Variants in GNG12 observed in about 807,000 individuals in gnomAD.
The protein encoded by GNG12 is G protein subunit gamma 12.
For synonymous variants in GNG12, 28 were observed against 29.7 expected (o/e 0.94, Z 0.19); for missense variants, 69 against 83.8 (o/e 0.82, Z 0.69).
chr1:67,769,151 C>T (rs1359986424), intron 2 of GNG12, among the ~76,000 whole-genome samples: 1 of 152,140 alleles, frequency 6.6e-6, no homozygotes, highest in African/African-American at 2.4e-5. Flanking sequence ...GCCACTGCAC[C>T]CAGAGAGACT....
chr1:67,826,259 A>G (rs1265678792), intron 1 of GNG12, among the ~76,000 whole-genome samples: 1 of 152,162 alleles, frequency 6.6e-6, no homozygotes, highest in Non-Finnish European at 1.5e-5. Context: ...TTCCATGTAC[A>G]CCTAGACTTT....
rs182878751 is a variant in GNG12, at chr1:67,726,150, C to G, written c.-26-18438G>C. Among the ~76,000 whole-genome samples, 253 of 152,292 alleles carry G rather than the reference C, an allele frequency of 1.7e-3. 3 individuals carry two copies. The highest frequency in any genetic ancestry group is 5.9e-3 in the African/African-American group (246 of 41,552). On this transcript the variant is annotated intron_variant, in intron 2 of 3. Coordinates refer to ENST00000370982, the MANE Select transcript of GNG12 (RefSeq NM_018841.6). ...CAGACCTATTTGAAATATTCTGCTT[C>G]TTTTGGTATATCAGTAACTGACCAG...
In GNG12 at chr1:67,726,032, G is replaced by A. The variant is rs117377574; in HGVS notation, c.-26-18320C>T. ...CTCAAATTTAAGAATATCACAAAAT[G>A]AGAGCATGAAGTGGAATGGAGTAGG... On this transcript the variant is annotated intron_variant, in intron 2 of 3. Transcript: ENST00000370982. 3.2e-3 allele frequency among the ~76,000 whole-genome samples: 485 copies of A among 152,300 alleles called. 8 individuals carry two copies. The East Asian group carries it at 0.047, about 15-fold the overall frequency.
At chr1:67,765,162 A>C (rs1646628281) in intron 2 of GNG12, among the ~76,000 whole-genome samples, 1 of 152,192 alleles carries the variant, frequency 6.6e-6, no homozygotes, top group Non-Finnish European at 1.5e-5. Context: ...AATAATCTAT[A>C]AAATGTATGC....
intron 2 of GNG12, among the ~76,000 whole-genome samples, chr1:67,712,064 A>T (rs759587622): frequency 1.3e-5 from 2 of 152,240 alleles, no homozygotes; most frequent in Non-Finnish European, 2.9e-5. Context: ...TCCGACTTGC[A>T]GCTGCTCTGC....
intron 1 of GNG12, chr1:67,832,167 T>C (rs1454848913): frequency 3.3e-5 from 5 of 152,224 alleles, no homozygotes. Flanking sequence ...GCTAATCATG[T>C]GAAGTTTGTC....
Position 67,704,121 on chromosome 1 carries a change from G to C in GNG12, c.*1330C>G, listed in dbSNP as rs1646230860. 1 of 152,246 alleles carries C rather than the reference G, an allele frequency of 6.6e-6. No individual in the cohort carries two copies. Among genetic ancestry groups the C allele is most frequent in the South Asian group, 2.1e-4 (1 of 4,830 alleles). The allele number at this position is 152,246 out of a possible 1,614,324, so 9.4% of individuals were successfully genotyped here. On this transcript the variant is annotated 3_prime_UTR_variant, in exon 4 of 4. Transcript: ENST00000370982. ...ACCCCCATACCTGGAAATTCCAAGA[G>C]TGTGAGGGCTATATTTGGGCCCAGA...
intron 1 of GNG12, among the ~76,000 whole-genome samples, chr1:67,778,953 A>G (rs1245640700): frequency 6.6e-6 from 1 of 152,230 alleles, no homozygotes; most frequent in African/African-American, 2.4e-5. Context: ...TCCGAGCACA[A>G]AAACCACAGC....
chr1:67,713,262 A>G (rs937267958), intron 2 of GNG12, among the ~76,000 whole-genome samples: 1 of 152,244 alleles, frequency 6.6e-6, no homozygotes, highest in Non-Finnish European at 1.5e-5. Context: ...TGCCAGTCGG[A>G]TAACACTCTG....
intron 2 of GNG12, among the ~76,000 whole-genome samples, chr1:67,734,532 G>A (rs976469202): frequency 1.3e-5 from 2 of 152,188 alleles, no homozygotes; most frequent in Non-Finnish European, 2.9e-5. Flanking sequence ...AGCACAGGAA[G>A]CTAAATAACT....
intron 2 of GNG12, among the ~76,000 whole-genome samples, chr1:67,723,927 T>C (rs1322391343): frequency 6.6e-6 from 1 of 152,146 alleles, no homozygotes; most frequent in Non-Finnish European, 1.5e-5. Flanking sequence ...CACAGATGAC[T>C]GGGAGTTACT....
intron 2 of GNG12, among the ~76,000 whole-genome samples, chr1:67,736,959 G>A (rs113872947): frequency 5.3e-5 from 8 of 152,194 alleles, no homozygotes; most frequent in Non-Finnish European, 1.0e-4. Flanking sequence ...TGTAAACTGA[G>A]GGTTGGAGGA....
At chr1:67,718,922 T>C (rs554482695) in intron 2 of GNG12, among the ~76,000 whole-genome samples, 1 of 152,316 alleles carries the variant, frequency 6.6e-6, no homozygotes, top group South Asian at 2.1e-4. Context: ...TGCCCATCAA[T>C]GTCAATACAT....
intron 2 of GNG12, among the ~76,000 whole-genome samples, chr1:67,720,202 G>A (rs919688326): frequency 6.6e-6 from 1 of 152,146 alleles, no homozygotes; most frequent in African/African-American, 2.4e-5. Context: ...AGCATGAGAT[G>A]GCCACTTGTG....
chr1:67,703,444 C>T lies in GNG12; in HGVS notation c.*2007G>A, dbSNP rs1420299659. On this transcript the variant is annotated 3_prime_UTR_variant, in exon 4 of 4. Transcript: ENST00000370982. ...GCTACATTATAAATATTTAAAGAAACGTTAAAAATCAGAGTGAAAATCAGA... is the reference window on the plus strand; with the variant it reads ...GCTACATTATAAATATTTAAAGAAATGTTAAAAATCAGAGTGAAAATCAGA... 2 of 151,908 alleles carry T rather than the reference C, an allele frequency of 1.3e-5. No homozygotes were observed. Among genetic ancestry groups the T allele is most frequent in the East Asian group, 1.9e-4 (1 of 5,172 alleles). The allele number at this position is 151,908 out of a possible 1,614,324, so 9.4% of individuals were successfully genotyped here.
rs924464082 is a variant in GNG12, at chr1:67,790,640, C to G, written c.-76-13133G>C. 2.0e-5 allele frequency among the ~76,000 whole-genome samples: 3 copies of G among 147,504 alleles called. No individual in the cohort carries two copies. In the Admixed American group the frequency reaches 2.0e-4, roughly 10 times the overall value. The stretch of plus-strand genomic sequence containing the variant: ...TTTTTTTTTTTTTGAGATGGAATCT[C>G]GCTCTGTTGCTCAGGCTGGAATGCA... On this transcript the variant is annotated intron_variant, in intron 1 of 3. Coordinates refer to ENST00000370982, the MANE Select transcript of GNG12 (RefSeq NM_018841.6).
At chr1:67,812,061 G>C (rs12409158) in intron 1 of GNG12, among the ~76,000 whole-genome samples, 2,541 of 152,252 alleles carry the variant, frequency 0.017, 35 homozygotes, top group Non-Finnish European at 0.028. Flanking sequence ...AGCTGACTAT[G>C]GAGTAATGGC....
chr1:67,808,658 G>C (rs1301484060), intron 1 of GNG12, among the ~76,000 whole-genome samples: 1 of 152,122 alleles, frequency 6.6e-6, no homozygotes, highest in African/African-American at 2.4e-5. Flanking sequence ...GACCAGTCAT[G>C]AACAAGTGGA....
At position 67,787,258 on chromosome 1, in the gene GNG12, C is replaced by A. The variant is rs80142214; in HGVS notation, c.-76-9751G>T. ...GAAGCAGTGTGGAAGCTAAACTGTACAGAATGACCAGGGTTTACCACAAGA... is the reference window on the plus strand; with the variant it reads ...GAAGCAGTGTGGAAGCTAAACTGTAAAGAATGACCAGGGTTTACCACAAGA... On this transcript the variant is annotated intron_variant, in intron 1 of 3. Transcript: ENST00000370982. Among the ~76,000 whole-genome samples, 206 of 151,978 alleles carry A rather than the reference C, an allele frequency of 1.4e-3. 1 individual carries two copies. In the East Asian group the frequency reaches 0.017, roughly 12 times the overall value.
Sources: gnomAD v4.1 joint callset for allele counts (sites outside exome capture counted in the v4.1 genomes callset) on GRCh38, gnomAD v4.1.1 for gene constraint, MANE v1.5 for transcripts, NCBI Gene and HGNC (gene_info 2026-07-23, HGNC 2026-07-21) for gene names.